RGS19: variants seen among roughly 807,000 people sequenced by gnomAD.
RGS19 encodes G alpha interacting protein.
RGS19 carries 9 observed loss-of-function variants against 22.0 expected under a neutral mutation model. The observed-to-expected ratio is 0.41, with a 90% CI of 0.25 to 0.71. RGS19 has a LOEUF of 0.71. Among genes scored for constraint, RGS19 ranks in the 30% least tolerant of loss-of-function variants. RGS19 has a pLI of 0.32. For missense variants in RGS19, 256 were observed against 307.1 expected, an observed-to-expected ratio of 0.83 and a Z score of 1.24; for synonymous variants, 130 against 127.3, an observed-to-expected ratio of 1.02 and a Z score of -0.14.
At position 64,076,926 on chromosome 20, in the gene RGS19, C is replaced by T. The variant is rs2059910434; in HGVS notation, c.-40G>A. The T allele has an allele frequency of 1.3e-6, 2 of 1,487,090 alleles. No homozygotes were observed. The highest frequency in any genetic ancestry group is 1.8e-6 in the Non-Finnish European group (2 of 1,121,462). 92.1% of individuals were successfully genotyped at this position (1,487,090 alleles called of 1,614,324 possible). A position where few individuals can be genotyped will look rare whatever the true frequency, so the allele number is the denominator to read the frequency against. On this transcript the variant is annotated 5_prime_UTR_variant, in exon 2 of 6. Coordinates refer to ENST00000395042, the MANE Select transcript of RGS19 (RefSeq NM_005873.3). ...GGTTGCCCAGGCTCCGTGGTACCAGCTCTCAGACCCTCACCACAGCCTGGG... is the reference window on the plus strand; with the variant it reads ...GGTTGCCCAGGCTCCGTGGTACCAGTTCTCAGACCCTCACCACAGCCTGGG...
At chr20:64,074,618 G>C in intron 3 of RGS19, 77 bp from the exon 4 acceptor site, 1 of 1,371,018 alleles carries the variant, frequency 7.3e-7, no homozygotes, top group Non-Finnish European at 9.9e-7. Flanking sequence ...CACATGGGCA[G>C]GCACCTGACA....
intron 3 of RGS19, 96 bp downstream of exon 3, chr20:64,076,429 G>A: frequency 6.4e-7 from 1 of 1,559,016 alleles, no homozygotes; most frequent in Non-Finnish European, 8.6e-7. Context: ...CTGCCTGCGG[G>A]GATGCCTCGG....
rs1258788311 is a variant in RGS19, at chr20:64,074,148, T to C, written c.458A>G (p.Lys153Arg). The stretch of plus-strand genomic sequence containing the variant: ...CTGTTCTGGTGTCTGGCGCACCTCC[T>C]TGGGGGACAGGATGGATACGTAGTC... The part of the protein sequence containing the change: ...YEDYVSILSP[K>R]EVSLDSRVRE... The change falls in exon 5 of 6, where the codon AAG becomes AGG. Residue 153 changes from lysine (K) to arginine (R), a missense_variant. By Grantham distance (26) the Lys-to-Arg change is conservative (BLOSUM62 2). Transcript: ENST00000395042. 9 of 1,612,600 alleles carry C rather than the reference T, an allele frequency of 5.6e-6. No individual in the cohort carries two copies. Among genetic ancestry groups the C allele is most frequent in the Non-Finnish European group, 5.9e-6 (7 of 1,178,984 alleles).
At position 64,074,318 on chromosome 20, in the gene RGS19, G is replaced by T; in HGVS notation, c.288C>A (p.His96Gln). The T allele has an allele frequency of 6.2e-7, 1 of 1,612,696 alleles. No individual in the cohort carries two copies. Among genetic ancestry groups the T allele is most frequent in the Non-Finnish European group, 8.5e-7 (1 of 1,179,980 alleles). The change falls in exon 5 of 6, where the codon CAC (histidine) becomes CAA (glutamine). Residue 96 changes from histidine (H) to glutamine (Q), a missense_variant. By Grantham distance (24) the His-to-Gln change is conservative (BLOSUM62 0). Transcript: ENST00000395042. The stretch of plus-strand genomic sequence containing the variant: ...GGAACACGCTGCGTCCCGCTGGGCT[G>T]TGCATCAGCTTGTCAAAAGACTGCG... ...SWAQSFDKLM[H>Q]SPAGRSVFRA...
Position 64,074,388 on chromosome 20 carries a change from C to A in RGS19, c.228-10G>T, listed in dbSNP as rs376165636. The A allele has an allele frequency of 3.8e-6, 6 of 1,599,962 alleles. No homozygotes were observed. In the African/African-American group the frequency reaches 6.7e-5, roughly 18 times the overall value. ...AGGACTTGGCGTGGCACTGTGGGCA[C>A]GGGGGCCAGGCTATGTCAGGCCCGA... On this transcript the variant is annotated splice_polypyrimidine_tract_variant and intron_variant, in intron 4 of 5. Transcript: ENST00000395042.
chr20:64,078,959 A>G (rs981752701), intron 1 of RGS19, among the ~76,000 whole-genome samples: 3 of 152,196 alleles, frequency 2.0e-5, no homozygotes, highest in African/African-American at 7.2e-5. Context: ...GAGCCTGCCC[A>G]GTCCAAAAAA....
chr20:64,073,386 G>A lies in RGS19; in HGVS notation c.*467C>T, dbSNP rs1601608941. ...CCTAAATCTGGTTCTGAGGTTCTGT[G>A]TTTGATTCTGGGGTACAGACAGCTC... On this transcript the variant is annotated 3_prime_UTR_variant, in exon 6 of 6. Transcript: ENST00000395042. The A allele has an allele frequency of 6.4e-6, 1 of 155,088 alleles. No individual in the cohort carries two copies. The highest frequency in any genetic ancestry group is 1.4e-5 in the Non-Finnish European group (1 of 70,136). The allele number at this position is 155,088 out of a possible 1,614,324, so 9.6% of individuals were successfully genotyped here. A position where few individuals can be genotyped will look rare whatever the true frequency, so the allele number is the denominator to read the frequency against.
In RGS19 at chr20:64,075,274, G is replaced by A. The variant is rs1395363355; in HGVS notation, c.153-733C>T. On this transcript the variant is annotated intron_variant, in intron 3 of 5. Coordinates refer to ENST00000395042, the MANE Select transcript of RGS19 (RefSeq NM_005873.3). This position sits in a 1 kb window ranked among gnomAD's most constrained non-coding sequence, Gnocchi z 4.6. ...TGGCGTGTCAGCAGTGTCTCTCGTCGGCTGACGCAGGTGAGAGCCCCAAAC... is the reference window on the plus strand; with the variant it reads ...TGGCGTGTCAGCAGTGTCTCTCGTCAGCTGACGCAGGTGAGAGCCCCAAAC... Among the ~76,000 whole-genome samples, 6 of 152,188 alleles carry A rather than the reference G, an allele frequency of 3.9e-5. No homozygotes were observed. Among genetic ancestry groups the A allele is most frequent in the African/African-American group, 1.2e-4 (5 of 41,442 alleles).
At chr20:64,078,676 G>C (rs952966812) in intron 1 of RGS19, among the ~76,000 whole-genome samples, 2 of 152,296 alleles carry the variant, frequency 1.3e-5, no homozygotes, top group African/African-American at 4.8e-5. Context: ...CCTGTCCCTG[G>C]ACCTGGCTTC....
rs2059870798 is a variant in RGS19 at position 64,073,402 on chromosome 20, C to G, written c.*451G>C. ...AGGTTCTGTGTTTGATTCTGGGGTA[C>G]AGACAGCTCAAGTAGGAGGTCTCCT... On this transcript the variant is annotated 3_prime_UTR_variant, in exon 6 of 6. Coordinates refer to ENST00000395042, the MANE Select transcript of RGS19 (RefSeq NM_005873.3). 6.4e-6 allele frequency: 1 copy of G among 157,140 alleles called. No homozygotes were observed. The highest frequency in any genetic ancestry group is 2.4e-5 in the African/African-American group (1 of 41,560). The allele number at this position is 157,140 out of a possible 1,614,324, so 9.7% of individuals were successfully genotyped here.
At position 64,074,125 on chromosome 20, in the gene RGS19, G is replaced by A; in HGVS notation, c.462+19C>T. The A allele has an allele frequency of 6.2e-7, 1 of 1,609,612 alleles. No individual in the cohort carries two copies. Among genetic ancestry groups the A allele is most frequent in the Non-Finnish European group, 8.5e-7 (1 of 1,176,536 alleles). ...GCCTGGAGCAGGCGGCCCCCGGCCTGTTCTGGTGTCTGGCGCACCTCCTTG... is the reference window on the plus strand; with the variant it reads ...GCCTGGAGCAGGCGGCCCCCGGCCTATTCTGGTGTCTGGCGCACCTCCTTG... On this transcript the variant is annotated intron_variant, in intron 5 of 5. Coordinates refer to ENST00000395042, the MANE Select transcript of RGS19 (RefSeq NM_005873.3).
intron 1 of RGS19, 103 bp from the exon 2 acceptor site, chr20:64,077,057 C>A: frequency 1.7e-6 from 1 of 597,732 alleles, no homozygotes; most frequent in Non-Finnish European, 2.8e-6. Context: ...GGGGCCTGCT[C>A]CTGCCTCTGG....
At chr20:64,077,020 G>A in intron 1 of RGS19, 66 bp from the exon 2 acceptor site, 1 of 853,072 alleles carries the variant, frequency 1.2e-6, no homozygotes, top group Non-Finnish European at 1.7e-6. Context: ...CCCCTTAGGA[G>A]GGGTCCTGAG....
At position 64,076,831 on chromosome 20, in the gene RGS19, C is replaced by G; in HGVS notation, c.30+26G>C. ...CCCCACCCCATCTCCCCCAGGGGAGCAGAGGCAGAGGGGGAGGTGGCATAC... is the reference window on the plus strand; with the variant it reads ...CCCCACCCCATCTCCCCCAGGGGAGGAGAGGCAGAGGGGGAGGTGGCATAC... On this transcript the variant is annotated intron_variant, in intron 2 of 5. Transcript: ENST00000395042. The G allele has an allele frequency of 1.9e-6, 3 of 1,573,906 alleles. 1 individual carries two copies. Among genetic ancestry groups the G allele is most frequent in the South Asian group, 2.3e-5 (2 of 85,922 alleles).
chr20:64,075,087 CAGGGCCACCCATGGGAATGTGCCTGGGAA>C lies in RGS19; in HGVS notation c.153-575_153-547del, dbSNP rs1415662806. 4.8e-5 allele frequency among the ~76,000 whole-genome samples: 6 copies of C among 123,854 alleles called. No homozygotes were observed. The highest frequency in any genetic ancestry group is 1.8e-4 in the African/African-American group (6 of 34,174). The allele number at this position is 123,854 out of a possible 152,430, so 81.3% of individuals were successfully genotyped here. On this transcript the variant is annotated intron_variant, in intron 3 of 5. Coordinates refer to ENST00000395042, the MANE Select transcript of RGS19 (RefSeq NM_005873.3). This position sits in a 1 kb window ranked among gnomAD's most constrained non-coding sequence, Gnocchi z 4.6. ...GCCAGAAGGGTCATGTGCCTGGGAA[CAGGGCCACCCATGGGAATGTGCCTGGGAA>C]CAGGGCCACCCATGGGAATGTGCCT... is the stretch of plus-strand genomic sequence containing the variant.
intron 3 of RGS19, 112 bp from the exon 4 acceptor site, chr20:64,074,653 G>A: frequency 1.0e-6 from 1 of 978,510 alleles, no homozygotes; most frequent in Non-Finnish European, 1.5e-6. Flanking sequence ...CTGCAGGAGG[G>A]CAGCCCCTGC....
In RGS19 at chr20:64,073,799, G is replaced by A; in HGVS notation, c.*54C>T. On this transcript the variant is annotated 3_prime_UTR_variant, in exon 6 of 6. Coordinates refer to ENST00000395042, the MANE Select transcript of RGS19 (RefSeq NM_005873.3). The stretch of plus-strand genomic sequence containing the variant: ...AGCCCTGCCGACAACAACACCTGAA[G>A]GGAACCCAGAGTCGGCCGTAGGAGG... 1.3e-6 allele frequency: 2 copies of A among 1,487,342 alleles called. No homozygotes were observed. Among genetic ancestry groups the A allele is most frequent in the Non-Finnish European group, 1.8e-6 (2 of 1,095,808 alleles). 92.1% of individuals were successfully genotyped at this position (1,487,342 alleles called of 1,614,324 possible).
intron 3 of RGS19, among the ~76,000 whole-genome samples, chr20:64,076,289 C>G (rs2059904780): frequency 6.6e-6 from 1 of 152,256 alleles, no homozygotes; most frequent in Admixed American, 6.5e-5. Flanking sequence ...GTACACAGCA[C>G]ACGGACACAC....
chr20:64,073,651 G>T lies in RGS19; in HGVS notation c.*202C>A, dbSNP rs971417871. ...TGGCCCGCCCTGCACCTGGAGGCCC[G>T]CCCTGCACCTGGAGTTCCTGCTTGG... On this transcript the variant is annotated 3_prime_UTR_variant, in exon 6 of 6. Coordinates refer to ENST00000395042, the MANE Select transcript of RGS19 (RefSeq NM_005873.3). The T allele has an allele frequency of 9.1e-6, 5 of 547,870 alleles. No individual in the cohort carries two copies. The highest frequency in any genetic ancestry group is 7.6e-5 in the African/African-American group (4 of 52,630). The allele number at this position is 547,870 out of a possible 1,614,324, so 33.9% of individuals were successfully genotyped here.
Sources: allele counts gnomAD v4.1 joint callset (sites outside exome capture counted in the v4.1 genomes callset), GRCh38; gene constraint gnomAD v4.1.1; non-coding constraint Gnocchi (gnomAD v3.1); transcripts MANE v1.5; gene names NCBI Gene and HGNC (gene_info 2026-07-23, HGNC 2026-07-21).